The following STAM variants were observed in gnomAD, a reference collection of about 807,000 sequenced individuals.
The protein encoded by STAM is signal transducing adaptor molecule, also known as signal transducing adapter molecule 1.
Under a neutral mutation model 63.4 loss-of-function variants are expected in STAM, and 16 were observed. That is an observed-to-expected ratio of 0.25 (90% confidence interval 0.17 to 0.38). The LOEUF (loss-of-function observed/expected upper bound fraction) is 0.38. STAM is among the 10% of genes least tolerant of loss of function. STAM has a pLI of 1.00. For missense variants in STAM, 636 were observed against 657.1 expected, an observed-to-expected ratio of 0.97 and a Z score of 0.35; for synonymous variants, 238 against 223.9, an observed-to-expected ratio of 1.06 and a Z score of -0.56.
chr10:17,670,868 G>A (rs1834611702), intron 2 of STAM, among the ~76,000 whole-genome samples: 1 of 151,910 alleles, frequency 6.6e-6, no homozygotes, highest in Non-Finnish European at 1.5e-5. Context: ...ATGTTGTGTG[G>A]ATTATGTTTT....
rs145749574 is a variant in STAM, at chr10:17,658,197, G to GT, written c.41-2257dup. ...CAAAGTATTTTAAAATTTCTTTTAA[G>GT]TTTTTTTTTTACTCTTGTTTAAAAG... On this transcript the variant is annotated intron_variant, in intron 1 of 13. Transcript: ENST00000377524. Among the ~76,000 whole-genome samples the GT allele has an allele frequency of 1.5e-4, 23 of 149,006 alleles. No homozygotes were observed. In the East Asian group the frequency reaches 1.6e-3, roughly 10 times the overall value.
chr10:17,693,435 C>T, intron 6 of STAM, 123 bp downstream of exon 6: 1 of 716,210 alleles, frequency 1.4e-6, no homozygotes, highest in Non-Finnish European at 2.2e-6. Flanking sequence ...TTGCCCTCCT[C>T]AGTATTCTTT....
intron 4 of STAM, 45 bp downstream of exon 4, chr10:17,684,972 C>T (rs1554825900): frequency 6.7e-7 from 1 of 1,482,822 alleles, no homozygotes. Flanking sequence ...AGTCTTCTTT[C>T]TTCACATATT....
At chr10:17,707,960 A>G (rs1426481049) in intron 12 of STAM, among the ~76,000 whole-genome samples, 1 of 151,184 alleles carries the variant, frequency 6.6e-6, no homozygotes, top group South Asian at 2.1e-4. Flanking sequence ...GCGCGATCTC[A>G]GCTCGCTGCC....
intron 8 of STAM, among the ~76,000 whole-genome samples, chr10:17,697,208 C>T (rs1471248333): frequency 1.3e-5 from 2 of 152,304 alleles, no homozygotes; most frequent in South Asian, 2.1e-4. Context: ...GGATTACAGG[C>T]GTGAGCCATC....
At position 17,644,271 on chromosome 10, in the gene STAM, C is replaced by T. The variant is rs1362772021; in HGVS notation, c.-69C>T. ...TCTTTTTGCCTGAGGAGTCTTCCAT[C>T]CTACGTCGAGCTCTGACTCCCGTGC... On this transcript the variant is annotated 5_prime_UTR_variant, in exon 1 of 14. Coordinates refer to ENST00000377524, the MANE Select transcript of STAM (RefSeq NM_003473.4). 6.4e-7 allele frequency: 1 copy of T among 1,570,100 alleles called. No homozygotes were observed. Among genetic ancestry groups the T allele is most frequent in the South Asian group, 1.1e-5 (1 of 90,028 alleles).
intron 5 of STAM, among the ~76,000 whole-genome samples, chr10:17,689,904 C>G (rs568092700): frequency 6.6e-6 from 1 of 152,324 alleles, no homozygotes; most frequent in South Asian, 2.1e-4. Context: ...GTCTGAGAAG[C>G]ACTGCTGCTC....
At chr10:17,668,398 G>A (rs1834486527) in intron 2 of STAM, among the ~76,000 whole-genome samples, 1 of 152,156 alleles carries the variant, frequency 6.6e-6, no homozygotes, top group Non-Finnish European at 1.5e-5. Flanking sequence ...TTTCATTAGT[G>A]TATATATTTG....
At chr10:17,679,376 T>C (rs1407515841) in intron 2 of STAM, among the ~76,000 whole-genome samples, 2 of 152,184 alleles carry the variant, frequency 1.3e-5, no homozygotes, top group East Asian at 3.8e-4. Context: ...TGGAGAAATG[T>C]CTATTCAAGT....
At chr10:17,696,184 A>G (rs1835748448) in intron 7 of STAM, 1 of 151,186 alleles carries the variant, frequency 6.6e-6, no homozygotes, top group Non-Finnish European at 1.5e-5. Context: ...TTTTGAGTGG[A>G]AGAAAATAAA....
At chr10:17,650,754 G>T (rs535472985) in intron 1 of STAM, among the ~76,000 whole-genome samples, 2 of 152,110 alleles carry the variant, frequency 1.3e-5, no homozygotes, top group East Asian at 3.9e-4. Flanking sequence ...ATGTACGCGT[G>T]GCCCCTCCGT....
At chr10:17,650,759 C>G (rs11817967) in intron 1 of STAM, among the ~76,000 whole-genome samples, 1 of 151,972 alleles carries the variant, frequency 6.6e-6, no homozygotes, top group South Asian at 2.1e-4. Context: ...CGCGTGGCCC[C>G]TCCGTTTAAA....
rs546005444 is a variant in STAM, at chr10:17,690,423, T to C, written c.444+2250T>C. Among the ~76,000 whole-genome samples the C allele has an allele frequency of 3.9e-5, 6 of 152,334 alleles. No individual in the cohort carries two copies. In the East Asian group the frequency reaches 7.7e-4, roughly 20 times the overall value. ...TAGATGTTATAAAGTATGTAACAGC[T>C]AATCTTGTCATAGTGGCTATATTTC... is the stretch of plus-strand genomic sequence containing the variant. On this transcript the variant is annotated intron_variant, in intron 5 of 13. Coordinates refer to ENST00000377524, the MANE Select transcript of STAM (RefSeq NM_003473.4).
At chr10:17,648,462 C>T (rs12772472) in intron 1 of STAM, among the ~76,000 whole-genome samples, 6,326 of 152,252 alleles carry the variant, frequency 0.042, 173 homozygotes, top group East Asian at 0.17. Context: ...CCCTTCCATG[C>T]TGTGGAAGCT....
intron 12 of STAM, among the ~76,000 whole-genome samples, chr10:17,708,151 A>C (rs1233740209): frequency 6.6e-6 from 1 of 152,158 alleles, no homozygotes; most frequent in Non-Finnish European, 1.5e-5. Context: ...CGGCCTCCCA[A>C]AGTGCTGGGA....
chr10:17,654,839 C>A (rs1833878399), intron 1 of STAM, among the ~76,000 whole-genome samples: 1 of 152,112 alleles, frequency 6.6e-6, no homozygotes, highest in Non-Finnish European at 1.5e-5. Flanking sequence ...TCTTGGCATT[C>A]TGATGTTTCT....
chr10:17,691,289 C>A (rs781824956), intron 5 of STAM, among the ~76,000 whole-genome samples: 1 of 152,032 alleles, frequency 6.6e-6, no homozygotes, highest in African/African-American at 2.4e-5. Context: ...GAGGCCGAGG[C>A]GGGTGGGTCA....
At position 17,669,697 on chromosome 10, in the gene STAM, TTTC is replaced by T. The variant is rs1407898502; in HGVS notation, c.125+9152_125+9154del. ...TGGGAATTTCCCTTCTTTTTCTTTC[TTTC>T]TTTTTTTTTTTTTCTGAGATGGAGT... On this transcript the variant is annotated intron_variant, in intron 2 of 13. Transcript: ENST00000377524. Among the ~76,000 whole-genome samples, 5 of 150,782 alleles carry T rather than the reference TTTC, an allele frequency of 3.3e-5. No individual in the cohort carries two copies. The East Asian group carries it at 7.8e-4, about 23-fold the overall frequency.
chr10:17,707,643 G>A (rs535189581), intron 12 of STAM, among the ~76,000 whole-genome samples: 86 of 151,988 alleles, frequency 5.7e-4, no homozygotes, highest in Middle Eastern at 3.4e-3. Flanking sequence ...TTCAATTTTC[G>A]AAGAATGACA....
Sources: gnomAD v4.1 joint callset for allele counts (sites outside exome capture counted in the v4.1 genomes callset) on GRCh38, gnomAD v4.1.1 for gene constraint, MANE v1.5 for transcripts, NCBI Gene and HGNC (gene_info 2026-07-23, HGNC 2026-07-21) for gene names.